MBTPS2: variants seen among roughly 807,000 people sequenced by gnomAD.
The protein encoded by MBTPS2 is membrane-bound transcription factor site-2 protease.
Under a neutral mutation model 35.4 loss-of-function variants are expected in MBTPS2, and 2 were observed. That is an observed-to-expected ratio of 0.06 (90% CI 0.02 to 0.18). MBTPS2 has a LOEUF of 0.18. Among genes scored for constraint, MBTPS2 ranks in the 10% least tolerant of loss-of-function variants. The pLI, the probability that MBTPS2 is intolerant of heterozygous loss-of-function variation, is 1.00. For synonymous variants in MBTPS2, 125 were observed against 140.4 expected, an observed-to-expected ratio of 0.89 and a Z score of 0.77; for missense variants, 244 against 386.5, an observed-to-expected ratio of 0.63 and a Z score of 3.09.
At chrX:21,844,287 C>T (rs922508634) in intron 2 of MBTPS2, among the ~76,000 whole-genome samples, 6 of 110,200 alleles carry the variant, frequency 5.4e-5, no homozygotes, top group Non-Finnish European at 1.1e-4. Context: ...CCGAGATGGG[C>T]GGATTGCTTC....
At chrX:21,865,611 T>C (rs1430444791) in intron 5 of MBTPS2, among the ~76,000 whole-genome samples, 1 of 112,652 alleles carries the variant, frequency 8.9e-6, no homozygotes, top group Non-Finnish European at 1.9e-5. Flanking sequence ...GATGTTGTGA[T>C]TATAGTAAGC....
At chrX:21,878,835 C>T in intron 9 of MBTPS2, 143 bp downstream of exon 9, 1 of 494,237 alleles carries the variant, frequency 2.0e-6, no homozygotes, top group East Asian at 3.6e-5. Context: ...TGTTCTTAAG[C>T]ATTAAGTGAA....
intron 7 of MBTPS2, among the ~76,000 whole-genome samples, chrX:21,876,375 C>T (rs2092953088): frequency 9.0e-6 from 1 of 110,878 alleles, no homozygotes; most frequent in Non-Finnish European, 1.9e-5. Flanking sequence ...ACCAGCCTGG[C>T]CAACATGGTG....
intron 5 of MBTPS2, chrX:21,857,261 C>A: frequency 1.7e-6 from 2 of 1,211,548 alleles, no homozygotes; most frequent in Non-Finnish European, 2.2e-6. Flanking sequence ...GCTCTTATAG[C>A]GGCTGCGAAA....
chrX:21,874,295 G>T (rs980291252), intron 7 of MBTPS2, among the ~76,000 whole-genome samples: 1 of 108,872 alleles, frequency 9.2e-6, no homozygotes, highest in African/African-American at 3.4e-5. Context: ...AAAGTGCTGG[G>T]ATTACAGGGG....
At chrX:21,849,077 G>A (rs73635553) in intron 3 of MBTPS2, among the ~76,000 whole-genome samples, 2,226 of 111,103 alleles carry the variant, frequency 0.02, 63 homozygotes, top group African/African-American at 0.07. Flanking sequence ...AAGAAGGTAC[G>A]GAGATTTCCC....
At chrX:21,845,946 A>G (rs1430079983) in intron 3 of MBTPS2, among the ~76,000 whole-genome samples, 2 of 112,154 alleles carry the variant, frequency 1.8e-5, no homozygotes, top group African/African-American at 6.5e-5. Flanking sequence ...GGGGCTTTAC[A>G]TTGGCTCACT....
intron 7 of MBTPS2, chrX:21,870,783 C>T (rs1008665285): frequency 3.6e-5 from 4 of 111,915 alleles, no homozygotes; most frequent in Admixed American, 9.5e-5. Flanking sequence ...AGTTTCTTCT[C>T]GGATCCTGCC....
rs981028940 is a variant in MBTPS2 at position 21,883,749 on chromosome X, G to A, written c.*1094G>A. The A allele has an allele frequency of 5.3e-6, 4 of 751,264 alleles. No individual in the cohort carries two copies. The East Asian group carries it at 4.6e-4, about 86-fold the overall frequency. 61.9% of individuals were successfully genotyped at this position (751,264 alleles called of 1,213,427 possible). On this transcript the variant is annotated 3_prime_UTR_variant, in exon 11 of 11. Transcript: ENST00000379484. Reference sequence around the variant, plus strand: ...CCTCTCTGGGTCCACAGAAGACTTGGTAGTATAGTGAGAATGGCTATACGT... The same window carrying A: ...CCTCTCTGGGTCCACAGAAGACTTGATAGTATAGTGAGAATGGCTATACGT...
chrX:21,881,040 A>G, intron 10 of MBTPS2, 68 bp downstream of exon 10: 1 of 747,232 alleles, frequency 1.3e-6, no homozygotes, highest in South Asian at 2.1e-5. Context: ...TTTACCTTGA[A>G]TACAGCATTA....
intron 1 of MBTPS2, among the ~76,000 whole-genome samples, chrX:21,842,573 A>C (rs893472981): frequency 1.8e-5 from 2 of 111,399 alleles, no homozygotes; most frequent in African/African-American, 6.5e-5. Context: ...GTTGATGTTG[A>C]AATTCAACGA....
At chrX:21,858,594 T>C (rs1399111755) in intron 5 of MBTPS2, 10 of 122,621 alleles carry the variant, frequency 8.2e-5, no homozygotes, top group South Asian at 3.8e-4. Context: ...ATTATTTGGC[T>C]AAAATGCCAA....
At chrX:21,845,108 A>C in intron 2 of MBTPS2, 63 bp from the exon 3 acceptor site, 1 of 1,210,131 alleles carries the variant, frequency 8.3e-7, no homozygotes, top group South Asian at 1.8e-5. Context: ...CTGCTTAGTG[A>C]ATTTGCTAGT....
At chrX:21,849,430 T>A (rs1262232250) in intron 3 of MBTPS2, among the ~76,000 whole-genome samples, 2 of 111,471 alleles carry the variant, frequency 1.8e-5, no homozygotes, top group Non-Finnish European at 3.8e-5. Flanking sequence ...TTACAAATGG[T>A]CAAAGAAATG....
Position 21,839,675 on chromosome X carries a change from T to G in MBTPS2, c.-60T>G, listed in dbSNP as rs1272186834. 3 of 1,118,781 alleles carry G rather than the reference T, an allele frequency of 2.7e-6. No individual in the cohort carries two copies. The highest frequency in any genetic ancestry group is 2.8e-4 in the Middle Eastern group (1 of 3,529). The allele number at this position is 1,118,781 out of a possible 1,213,427, so 92.2% of individuals were successfully genotyped here. A position where few individuals can be genotyped will look rare whatever the true frequency, so the allele number is the denominator to read the frequency against. On this transcript the variant is annotated 5_prime_UTR_variant, in exon 1 of 11. Coordinates refer to ENST00000379484, the MANE Select transcript of MBTPS2 (RefSeq NM_015884.4). ...CTGTAAGGCGCGCGCGGTCAGCTGT[T>G]GGCGGTGCAGGGAGGAGGACGCCGG...
At chrX:21,867,518 G>A (rs994979636) in intron 5 of MBTPS2, among the ~76,000 whole-genome samples, 1 of 110,531 alleles carries the variant, frequency 9.0e-6, no homozygotes, top group African/African-American at 3.3e-5. Flanking sequence ...AATGTTAGGG[G>A]CGAGAAAGTC....
intron 5 of MBTPS2, among the ~76,000 whole-genome samples, chrX:21,864,864 T>TTTTC (rs755217225): frequency 0.02 from 2,054 of 103,076 alleles, 58 homozygotes; most frequent in African/African-American, 0.068. Context: ...TTTTTTCTTT[T>TTTTC]TTTCTTTCTT....
chrX:21,846,558 C>T (rs143433562), intron 3 of MBTPS2, among the ~76,000 whole-genome samples: 2,065 of 111,314 alleles, frequency 0.019, 125 homozygotes, highest in Admixed American at 0.17. Context: ...TTAGTAGAGA[C>T]GGGGTTTCTC....
rs5951649 is a variant in MBTPS2 at position 21,878,823 on chromosome X, C to T, written c.1261+131C>T. ...TGATCATTTATCAAAGTCTTGTTAA[C>T]TTGTTCTTAAGCATTAAGTGAAAAT... On this transcript the variant is annotated intron_variant, in intron 9 of 10. Coordinates refer to ENST00000379484, the MANE Select transcript of MBTPS2 (RefSeq NM_015884.4). The T allele has an allele frequency of 9.7e-3, 5,086 of 521,913 alleles. 96 individuals carry two copies. The highest frequency in any genetic ancestry group is 0.075 in the African/African-American group (3,162 of 42,012). 43.0% of individuals were successfully genotyped at this position (521,913 alleles called of 1,213,427 possible). A position where few individuals can be genotyped will look rare whatever the true frequency, so the allele number is the denominator to read the frequency against.
Sources: gnomAD v4.1 joint callset for allele counts (sites outside exome capture counted in the v4.1 genomes callset) on GRCh38, gnomAD v4.1.1 for gene constraint, MANE v1.5 for transcripts, NCBI Gene and HGNC (gene_info 2026-07-23, HGNC 2026-07-21) for gene names.